Variants in ZNF385B observed in about 807,000 individuals in gnomAD.
The protein encoded by ZNF385B is zinc finger protein 385B.
ZNF385B carries 23 observed loss-of-function variants against 39.2 expected under a neutral mutation model. The ratio of observed to expected loss-of-function variants is 0.59; its 90% CI spans 0.42 to 0.83. ZNF385B has a LOEUF of 0.83. Ranked by LOEUF, ZNF385B falls within the 40% of genes least tolerant of loss-of-function variation. ZNF385B has a pLI of 0.00. For missense variants in ZNF385B, 552 were observed against 598.9 expected (o/e 0.92, Z 0.82); for synonymous variants, 205 against 222.6 (o/e 0.92, Z 0.70).
At chr2:179,750,675 T>A (rs1364533882) in intron 3 of ZNF385B, among the ~76,000 whole-genome samples, 1 of 152,132 alleles carries the variant, frequency 6.6e-6, no homozygotes, top group Non-Finnish European at 1.5e-5. Context: ...AATACATGGA[T>A]TGTATAATAA....
chr2:179,745,187 A>T (rs1702306082), intron 3 of ZNF385B, among the ~76,000 whole-genome samples: 1 of 152,166 alleles, frequency 6.6e-6, no homozygotes, highest in African/African-American at 2.4e-5. Flanking sequence ...ATGACCGGTC[A>T]TAACTTTTAA....
intron 4 of ZNF385B, among the ~76,000 whole-genome samples, chr2:179,520,149 C>T (rs998928590): frequency 3.3e-5 from 5 of 151,524 alleles, no homozygotes; most frequent in East Asian, 3.9e-4. Flanking sequence ...CTGGGCAACA[C>T]AGCAAGACCC....
At chr2:179,672,150 G>C (rs548724054) in intron 3 of ZNF385B, among the ~76,000 whole-genome samples, 6 of 152,354 alleles carry the variant, frequency 3.9e-5, no homozygotes, top group African/African-American at 1.4e-4. Context: ...GGAAGGCAGA[G>C]CTTTGAATCA....
intron 3 of ZNF385B, among the ~76,000 whole-genome samples, chr2:179,749,796 A>C (rs970384513): frequency 6.6e-6 from 1 of 152,148 alleles, no homozygotes; most frequent in Non-Finnish European, 1.5e-5. Context: ...TGATTGTCTA[A>C]GACTCAGTTT....
intron 3 of ZNF385B, among the ~76,000 whole-genome samples, chr2:179,582,663 A>G (rs1032147978): frequency 3.9e-5 from 6 of 152,200 alleles, no homozygotes; most frequent in African/African-American, 1.4e-4. Context: ...AAAATTAACA[A>G]GTTTTCAATG....
chr2:179,490,340 T>C lies in ZNF385B; in HGVS notation c.553-6906A>G, dbSNP rs534661579. ...AAACACACACACACACACACACACA[T>C]ATATATGTTCAATCACATTATCAGA... On this transcript the variant is annotated intron_variant, in intron 5 of 9. Transcript: ENST00000410066. Among the ~76,000 whole-genome samples the C allele has an allele frequency of 1.4e-3, 200 of 146,232 alleles. 2 individuals are homozygous for C. The East Asian group carries it at 0.017, about 12-fold the overall frequency.
chr2:179,559,704 T>C (rs922023384), intron 3 of ZNF385B, among the ~76,000 whole-genome samples: 1 of 152,124 alleles, frequency 6.6e-6, no homozygotes, highest in African/African-American at 2.4e-5. Context: ...CATATATATA[T>C]AGTGAAGTGA....
At chr2:179,715,215 C>G (rs1559122870) in intron 3 of ZNF385B, among the ~76,000 whole-genome samples, 1 of 151,848 alleles carries the variant, frequency 6.6e-6, no homozygotes, top group Non-Finnish European at 1.5e-5. Context: ...AAATCCTATA[C>G]TCTTAGTACT....
At chr2:179,768,242 G>A (rs913082639) in intron 3 of ZNF385B, among the ~76,000 whole-genome samples, 9 of 151,818 alleles carry the variant, frequency 5.9e-5, no homozygotes, top group Non-Finnish European at 1.0e-4. Context: ...GAGCCACTGC[G>A]CCCGGCCATA....
At position 179,459,701 on chromosome 2, in the gene ZNF385B, AAAT is replaced by A. The variant is rs1347791762; in HGVS notation, c.716-12934_716-12932del. On this transcript the variant is annotated intron_variant, in intron 6 of 9. Coordinates refer to ENST00000410066, the MANE Select transcript of ZNF385B (RefSeq NM_152520.6). ...TTTATAAGTCTATTTATTAAATAAA[AAAT>A]GTGCATTATAATAATAAATGCATAA... Among the ~76,000 whole-genome samples the A allele has an allele frequency of 6.6e-5, 10 of 151,304 alleles. No homozygotes were observed. In the East Asian group the frequency reaches 1.9e-3, roughly 29 times the overall value.
intron 7 of ZNF385B, 119 bp downstream of exon 7, chr2:179,446,406 A>C: frequency 7.2e-7 from 1 of 1,386,064 alleles, no homozygotes; most frequent in Non-Finnish European, 9.6e-7. Context: ...CCTTTGAATC[A>C]AAAAAGTAGA....
intron 5 of ZNF385B, among the ~76,000 whole-genome samples, chr2:179,484,883 G>C (rs2054397535): frequency 6.6e-6 from 1 of 152,142 alleles, no homozygotes; most frequent in Admixed American, 6.5e-5. Context: ...TTTCTAGTTG[G>C]AGGATGCAGG....
At chr2:179,716,608 C>T (rs1299790609) in intron 3 of ZNF385B, among the ~76,000 whole-genome samples, 1 of 152,144 alleles carries the variant, frequency 6.6e-6, no homozygotes, top group Non-Finnish European at 1.5e-5. Flanking sequence ...CTAGAACCTT[C>T]AATTCTAAAA....
chr2:179,805,141 G>A (rs1706271092), intron 1 of ZNF385B, among the ~76,000 whole-genome samples: 1 of 152,090 alleles, frequency 6.6e-6, no homozygotes, highest in South Asian at 2.1e-4. Flanking sequence ...TTCTGTTCTT[G>A]GAACCCGGCC....
chr2:179,613,910 G>T (rs1054208906), intron 3 of ZNF385B, among the ~76,000 whole-genome samples: 7 of 149,784 alleles, frequency 4.7e-5, no homozygotes, highest in Non-Finnish European at 7.4e-5. Context: ...ATGTATGATT[G>T]CCCTCTGGCT....
intron 3 of ZNF385B, among the ~76,000 whole-genome samples, chr2:179,691,290 T>A (rs1189209815): frequency 6.6e-6 from 1 of 152,190 alleles, no homozygotes; most frequent in Non-Finnish European, 1.5e-5. Flanking sequence ...TCATTTATGT[T>A]ACAGTGAACA....
intron 3 of ZNF385B, among the ~76,000 whole-genome samples, chr2:179,679,308 A>G (rs1446804314): frequency 6.6e-6 from 1 of 152,230 alleles, no homozygotes; most frequent in Non-Finnish European, 1.5e-5. Flanking sequence ...ACACTCTATG[A>G]TGTTCCCACT....
chr2:179,507,415 C>T (rs2057331319), intron 5 of ZNF385B, among the ~76,000 whole-genome samples: 1 of 152,156 alleles, frequency 6.6e-6, no homozygotes, highest in Non-Finnish European at 1.5e-5. Flanking sequence ...TTTACCTCCA[C>T]CAGGAACCTT....
chr2:179,756,657 C>G (rs954854366), intron 3 of ZNF385B, among the ~76,000 whole-genome samples: 5 of 150,922 alleles, frequency 3.3e-5, no homozygotes, highest in African/African-American at 1.2e-4. Context: ...GTCCCATATA[C>G]CTTCGAGGCT....
Sources: allele counts gnomAD v4.1 joint callset (sites outside exome capture counted in the v4.1 genomes callset), GRCh38; gene constraint gnomAD v4.1.1; transcripts MANE v1.5; gene names NCBI Gene and HGNC (gene_info 2026-07-23, HGNC 2026-07-21).